CRB2: variants seen among roughly 807,000 people sequenced by gnomAD.
CRB2 encodes the protein crumbs cell polarity complex component 2.
A neutral mutation model predicts 110.9 loss-of-function variants in CRB2; 85 were observed. The ratio of observed to expected loss-of-function variants is 0.77; its 90% CI spans 0.64 to 0.92. CRB2 has a LOEUF of 0.92. CRB2 is among the 40% of genes least tolerant of loss of function. CRB2 has a pLI of 0.00. For synonymous variants in CRB2, 907 were observed against 831.0 expected (o/e 1.09, Z -1.57); for missense variants, 1,843 against 1,851.3 (o/e 1.00, Z 0.08).
In CRB2 at chr9:123,375,323, G is replaced by A. The variant is rs779586424; in HGVS notation, c.3613G>A (p.Gly1205Ser). ...SECICNARFS[G>S]QFCEVAKGLP... is the part of the protein sequence containing the mutation. ...ATGTATCTGCAATGCCAGATTCTCCGGCCAGTTCTGTGAAGTGGCGGTGAG... is the reference window on the plus strand; with the variant it reads ...ATGTATCTGCAATGCCAGATTCTCCAGCCAGTTCTGTGAAGTGGCGGTGAG... Residue 1205 changes from glycine (G) to serine (S), a missense_variant, in exon 12 of 13, where the codon GGC (glycine) becomes AGC (serine). Coordinates refer to ENST00000373631, the MANE Select transcript of CRB2 (RefSeq NM_173689.7). The A allele has an allele frequency of 1.1e-5, 18 of 1,602,550 alleles. No individual in the cohort carries two copies. Among genetic ancestry groups the A allele is most frequent in the Admixed American group, 5.1e-5 (3 of 59,150 alleles).
At chr9:123,371,029 C>T in intron 7 of CRB2, 41 bp from the exon 8 acceptor site, 2 of 1,597,400 alleles carry the variant, frequency 1.3e-6, no homozygotes, top group East Asian at 2.2e-5. Context: ...CTGCCTCCCT[C>T]AGCCTGCAGG....
rs940616444 is a variant in CRB2, at chr9:123,370,391, G to T, written c.1338G>T (p.Gly446=). The T allele has an allele frequency of 9.3e-6, 15 of 1,613,596 alleles. No homozygotes were observed. Among genetic ancestry groups the T allele is most frequent in the Admixed American group, 1.7e-5 (1 of 60,002 alleles). Residue 446 remains glycine (G), a synonymous_variant, in exon 7 of 13, where the codon GGG becomes GGT. Coordinates refer to ENST00000373631, the MANE Select transcript of CRB2 (RefSeq NM_173689.7). Reference sequence around the variant, plus strand: ...ATACCACCTTCTCTGTGATGGCTGGGAGCCCCATTCAGGCATCAGTGCCAG... The same window carrying T: ...ATACCACCTTCTCTGTGATGGCTGGTAGCCCCATTCAGGCATCAGTGCCAG... ...GQNTTFSVMA[G]SPIQASVPAG... is the part of the protein sequence containing the mutation.
At chr9:123,375,806 G>A (rs557596065) in intron 12 of CRB2, among the ~76,000 whole-genome samples, 1 of 152,272 alleles carries the variant, frequency 6.6e-6, no homozygotes, top group Admixed American at 6.5e-5. Context: ...GTGCAGGCTG[G>A]CCCCAACCCC....
downstream of CRB2, among the ~76,000 whole-genome samples, chr9:123,378,951 T>G (rs2042156200): frequency 6.6e-6 from 1 of 151,372 alleles, no homozygotes; most frequent in East Asian, 1.9e-4. Context: ...GTAGCTGGGA[T>G]TACAGGTGCC....
In CRB2 at chr9:123,373,277, GC is replaced by G; in HGVS notation, c.2749del (p.Leu917TrpfsTer224). ...EAWLLRAAAG[A>X]LEGVWLAVRN... ...CTGGCTGCTGCGTGCCGCGGCGGGCGCCCTGGAAGGCGTGTGGCTGGCGGTG... is the reference window on the plus strand; with the variant it reads ...CTGGCTGCTGCGTGCCGCGGCGGGCGCCTGGAAGGCGTGTGGCTGGCGGTG... On this transcript the variant is annotated frameshift_variant, in exon 10 of 13. Transcript: ENST00000373631. LOFTEE classifies it high-confidence loss of function. 6.8e-7 allele frequency: 1 copy of G among 1,481,422 alleles called. No individual in the cohort carries two copies. Among genetic ancestry groups the G allele is most frequent in the Non-Finnish European group, 8.9e-7 (1 of 1,125,434 alleles). 91.8% of individuals were successfully genotyped at this position (1,481,422 alleles called of 1,614,324 possible).
chr9:123,365,853 G>A (rs1177958337), intron 2 of CRB2, 64 bp from the exon 3 acceptor site: 6 of 1,420,402 alleles, frequency 4.2e-6, no homozygotes, highest in East Asian at 5.4e-5. Flanking sequence ...CAGGCCTGGC[G>A]CGACCTCTTC....
Position 123,372,345 on chromosome 9 carries a change from G to A in CRB2, c.2602+3G>A. 3 of 1,589,606 alleles carry A rather than the reference G, an allele frequency of 1.9e-6. No homozygotes were observed. Among genetic ancestry groups the A allele is most frequent in the Non-Finnish European group, 2.6e-6 (3 of 1,167,340 alleles). On this transcript the variant is annotated splice_donor_region_variant and intron_variant, in intron 9 of 12. Coordinates refer to ENST00000373631, the MANE Select transcript of CRB2 (RefSeq NM_173689.7). ...GGAGGTCCCTGATGGCTTTGTGTGT[G>A]AGTGTGTGTCCTGGGCAGCTCCCGT...
chr9:123,371,061 T>C lies in CRB2; in HGVS notation c.1928-9T>C. On this transcript the variant is annotated splice_polypyrimidine_tract_variant and intron_variant, in intron 7 of 12. Transcript: ENST00000373631. ...CAGGCCTCACACCTGGCACCTTCTC[T>C]CCCTGCAGAGATTCCTGCTGCCACC... The C allele has an allele frequency of 1.2e-6, 2 of 1,609,720 alleles. No homozygotes were observed. Among genetic ancestry groups the C allele is most frequent in the Non-Finnish European group, 8.5e-7 (1 of 1,178,070 alleles).
At chr9:123,372,910 C>T (rs1231704863) in intron 9 of CRB2, among the ~76,000 whole-genome samples, 1 of 152,204 alleles carries the variant, frequency 6.6e-6, no homozygotes, top group Non-Finnish European at 1.5e-5. Context: ...TCACGCCCCA[C>T]CCCCCAGCAC....
chr9:123,369,668 T>C lies in CRB2; in HGVS notation c.1055-440T>C, dbSNP rs1027484837. Among the ~76,000 whole-genome samples, 9 of 152,174 alleles carry C rather than the reference T, an allele frequency of 5.9e-5. No individual in the cohort carries two copies. The East Asian group carries it at 9.7e-4, about 16-fold the overall frequency. ...TGAGAGCCTGGTAGGACCCAGCCCA[T>C]GAGGGTGTCTTAAATGTCAGGGTGA... On this transcript the variant is annotated intron_variant, in intron 6 of 12. Coordinates refer to ENST00000373631, the MANE Select transcript of CRB2 (RefSeq NM_173689.7).
chr9:123,362,929 C>G lies in CRB2; in HGVS notation c.159C>G (p.Cys53Trp). The change falls in exon 2 of 13, where the codon TGC becomes TGG. Residue 53 changes from cysteine (C) to tryptophan (W), a missense_variant. Coordinates refer to ENST00000373631, the MANE Select transcript of CRB2 (RefSeq NM_173689.7). ...ASDPCAPGTE[C>W]QATESGGYTC... Reference sequence around the variant, plus strand: ...ACCCGTGCGCTCCAGGGACCGAGTGCCAGGCTACCGAGAGTGGTGGCTATA... The same window carrying G: ...ACCCGTGCGCTCCAGGGACCGAGTGGCAGGCTACCGAGAGTGGTGGCTATA... 6.2e-7 allele frequency: 1 copy of G among 1,602,400 alleles called. No homozygotes were observed. The highest frequency in any genetic ancestry group is 8.5e-7 in the Non-Finnish European group (1 of 1,170,960).
chr9:123,358,130 C>T (rs189927315), intron 1 of CRB2, among the ~76,000 whole-genome samples: 3 of 152,262 alleles, frequency 2.0e-5, no homozygotes, highest in South Asian at 2.1e-4. Flanking sequence ...GACTGCCTGC[C>T]GGGAGGGGAG....
In CRB2 at chr9:123,374,524, G is replaced by A. The variant is rs2042073464; in HGVS notation, c.3390-55G>A. ...CAGGTGGCCCACGGTCACAGCGCTG[G>A]GGAGGGCAGGTCCCAGGTGTCCTGC... On this transcript the variant is annotated intron_variant, in intron 10 of 12. Transcript: ENST00000373631. 4.0e-5 allele frequency: 52 copies of A among 1,316,408 alleles called. 1 individual carries two copies. The South Asian group carries it at 6.3e-4, about 16-fold the overall frequency. The allele number at this position is 1,316,408 out of a possible 1,614,324, so 81.5% of individuals were successfully genotyped here.
downstream of CRB2, chr9:123,380,322 T>TCTAA (rs1377718070): frequency 2.0e-5 from 3 of 152,584 alleles, no homozygotes; most frequent in African/African-American, 4.8e-5. Context: ...AAACATTCAA[T>TCTAA]CTAACTTTGG....
intron 12 of CRB2, 107 bp from the exon 13 acceptor site, chr9:123,376,729 GCT>G (rs1430936657): frequency 9.2e-7 from 1 of 1,083,164 alleles, no homozygotes; most frequent in African/African-American, 1.6e-5. Context: ...CCTGCTCCCA[GCT>G]CTGATTTTCT....
chr9:123,356,941 A>G (rs564645010), intron 1 of CRB2, among the ~76,000 whole-genome samples: 1 of 151,992 alleles, frequency 6.6e-6, no homozygotes, highest in African/African-American at 2.4e-5. Context: ...TGCTCTCAAC[A>G]TGAGGGGTGT....
chr9:123,364,028 G>T (rs1247861085), intron 2 of CRB2, among the ~76,000 whole-genome samples: 1 of 152,192 alleles, frequency 6.6e-6, no homozygotes, highest in Non-Finnish European at 1.5e-5. Context: ...AGGGCAGAGG[G>T]CAGTTTGAAG....
At position 123,371,375 on chromosome 9, in the gene CRB2, G is replaced by A. The variant is rs754151973; in HGVS notation, c.2233G>A (p.Val745Met). 7.5e-6 allele frequency: 12 copies of A among 1,605,796 alleles called. No individual in the cohort carries two copies. The highest frequency in any genetic ancestry group is 4.5e-5 in the East Asian group (2 of 44,808). ...PDQLQDLGQHVHVGGRLLAAD... is the reference protein window; with the variant it reads ...PDQLQDLGQHMHVGGRLLAAD... ...CCAGCTGCAGGACCTGGGGCAGCAC[G>A]TGCACGTGGGTGGGAGGCTCCTTGC... The change falls in exon 8 of 13, where the codon GTG becomes ATG. Residue 745 changes from valine (V) to methionine (M), a missense_variant. Val to Met is a conservative substitution (Grantham distance 21, BLOSUM62 1). Transcript: ENST00000373631.
chr9:123,368,963 GC>G, intron 6 of CRB2: 1 of 1,216,480 alleles, frequency 8.2e-7, no homozygotes, highest in African/African-American at 1.6e-5. Context: ...AGGAATGTGG[GC>G]CCTGGGCAGG....
Sources: allele counts gnomAD v4.1 joint callset (sites outside exome capture counted in the v4.1 genomes callset), GRCh38; gene constraint gnomAD v4.1.1; transcripts MANE v1.5; gene names NCBI Gene and HGNC (gene_info 2026-07-23, HGNC 2026-07-21).